TMEM67: variants seen among roughly 807,000 people sequenced by gnomAD.
The protein encoded by TMEM67 is meckelin.
A neutral mutation model predicts 136.6 loss-of-function variants in TMEM67; 124 were observed. The ratio of observed to expected loss-of-function variants is 0.91; its 90% confidence interval spans 0.78 to 1.05. TMEM67 has a LOEUF of 1.05. TMEM67 is among the 50% of genes least tolerant of loss of function. The pLI, the probability that TMEM67 is intolerant of heterozygous loss-of-function variation, is 0.00. For missense variants in TMEM67, 1,107 were observed against 1,178.4 expected, an observed-to-expected ratio of 0.94 and a Z score of 0.89; for synonymous variants, 364 against 390.5, an observed-to-expected ratio of 0.93 and a Z score of 0.80.
intron 20 of TMEM67, 112 bp from the exon 21 acceptor site, chr8:93,799,506 C>T: frequency 1.2e-6 from 1 of 813,704 alleles, no homozygotes; most frequent in Non-Finnish European, 2.0e-6. Flanking sequence ...TTTATACAAA[C>T]TTAGATATTT....
intron 13 of TMEM67, among the ~76,000 whole-genome samples, chr8:93,787,363 C>T (rs1170748793): frequency 1.3e-5 from 2 of 152,156 alleles, no homozygotes; most frequent in Non-Finnish European, 2.9e-5. Flanking sequence ...CCGCCTTGGC[C>T]TCCCAAAGTG....
intron 16 of TMEM67, among the ~76,000 whole-genome samples, chr8:93,794,315 T>C (rs1400674937): frequency 2.0e-5 from 3 of 152,206 alleles, no homozygotes; most frequent in Non-Finnish European, 4.4e-5. Flanking sequence ...CACATTTTAT[T>C]CTATTAACTT....
At position 93,787,915 on chromosome 8, in the gene TMEM67, T is replaced by C; in HGVS notation, c.1484T>C (p.Ile495Thr). Reference protein sequence around the residue: ...PPLITIAYSDIDIKDANSQSV... With the variant: ...PPLITIAYSDTDIKDANSQSV... ...TTAATCACCATTGCCTACAGTGACA[T>C]TGATATCAAAGATGCCAACAGCCAG... Residue 495 changes from isoleucine (I) to threonine (T), a missense_variant, in exon 14 of 28, where the codon ATT (isoleucine) becomes ACT (threonine). Physicochemically the swap from Ile to Thr is moderately conservative, Grantham distance 89. Around this residue, in one of 3 missense-constraint regions of TMEM67, gnomAD observed 925 missense variants for 1,002.4 expected, o/e 0.92. Coordinates refer to ENST00000453321, the MANE Select transcript of TMEM67 (RefSeq NM_153704.6). The C allele has an allele frequency of 6.2e-7, 1 of 1,614,066 alleles. No homozygotes were observed. The highest frequency in any genetic ancestry group is 8.5e-7 in the Non-Finnish European group (1 of 1,179,958).
intron 15 of TMEM67, among the ~76,000 whole-genome samples, chr8:93,792,962 C>T (rs557493887): frequency 2.6e-5 from 4 of 151,542 alleles, no homozygotes; most frequent in African/African-American, 9.7e-5. Context: ...TTAGTAGAGA[C>T]GGGTTTCACC....
chr8:93,780,800 A>T, intron 8 of TMEM67, 53 bp downstream of exon 8: 1 of 1,603,270 alleles, frequency 6.2e-7, no homozygotes, highest in South Asian at 1.1e-5. Context: ...CAGTGCAGTT[A>T]TTAATATATT....
At position 93,799,678 on chromosome 8, in the gene TMEM67, C is replaced by T. The variant is rs116445698; in HGVS notation, c.2161C>T (p.Pro721Ser). ...ATCTTCTAGTCTTTCTAGAAACCCA[C>T]CTAGCTACATAGCTCCTTATAGCTG... The part of the protein sequence containing the change: ...DSSSSLSRNP[P>S]SYIAPYSCIL... The change falls in exon 21 of 28, where the codon CCT becomes TCT. Residue 721 changes from proline (P) to serine (S), a missense_variant. Pro to Ser is a moderately conservative substitution (Grantham distance 74, BLOSUM62 -1). This residue lies in a region of TMEM67 where 925 missense variants were observed against 1,002.4 expected (regional missense o/e 0.92). Coordinates refer to ENST00000453321, the MANE Select transcript of TMEM67 (RefSeq NM_153704.6). 6,940 of 1,613,572 alleles carry T rather than the reference C, an allele frequency of 4.3e-3. 22 individuals carry two copies. The highest frequency in any genetic ancestry group is 5.4e-3 in the Non-Finnish European group (6,394 of 1,179,600).
intron 3 of TMEM67, chr8:93,763,157 T>G (rs1812927117): frequency 4.5e-6 from 1 of 221,570 alleles, no homozygotes; most frequent in African/African-American, 2.3e-5. Flanking sequence ...CTTGAACTCC[T>G]GGCCTCATGT....
chr8:93,816,626 G>A lies in TMEM67; in HGVS notation c.*174G>A. On this transcript the variant is annotated 3_prime_UTR_variant, in exon 28 of 28. Coordinates refer to ENST00000453321, the MANE Select transcript of TMEM67 (RefSeq NM_153704.6). ...TGGGAATATATAACCTGATATAATA[G>A]AAAATACTGTTTTCCCATTGTGTGT... The A allele has an allele frequency of 2.1e-6, 1 of 470,620 alleles. No homozygotes were observed. The highest frequency in any genetic ancestry group is 3.3e-5 in the East Asian group (1 of 30,280). 29.2% of individuals were successfully genotyped at this position (470,620 alleles called of 1,614,324 possible).
chr8:93,786,409 A>T, intron 13 of TMEM67, 63 bp downstream of exon 13: 2 of 1,565,146 alleles, frequency 1.3e-6, no homozygotes, highest in Admixed American at 1.7e-5. Context: ...TTTGCCAGTC[A>T]TTAGTAGATG....
intron 7 of TMEM67, among the ~76,000 whole-genome samples, chr8:93,776,797 A>G (rs1813564797): frequency 6.6e-6 from 1 of 152,198 alleles, no homozygotes; most frequent in South Asian, 2.1e-4. Flanking sequence ...CATCAGGGAT[A>G]TTGGTCTAAA....
chr8:93,814,272 T>C (rs1041193725), intron 26 of TMEM67, among the ~76,000 whole-genome samples: 4 of 150,848 alleles, frequency 2.7e-5, no homozygotes, highest in Non-Finnish European at 5.9e-5. Context: ...CCTGAGTAGC[T>C]GGGACTACAG....
chr8:93,813,738 AG>A (rs1281666528), intron 26 of TMEM67, among the ~76,000 whole-genome samples: 1 of 152,174 alleles, frequency 6.6e-6, no homozygotes, highest in Non-Finnish European at 1.5e-5. Flanking sequence ...CAGGACATCT[AG>A]GAAGAGGTAT....
At chr8:93,781,062 CT>C in intron 9 of TMEM67, 80 bp downstream of exon 9, 2 of 988,298 alleles carry the variant, frequency 2.0e-6, no homozygotes, top group Non-Finnish European at 3.2e-6. Context: ...CAATTCTTGC[CT>C]TTTTAGGTTG....
At chr8:93,826,262 T>G in the TMEM67 span, among the ~76,000 whole-genome samples, 1 of 150,124 alleles carries the variant, frequency 6.7e-6, no homozygotes, top group Admixed American at 6.7e-5. Flanking sequence ...CCCAAGTAGC[T>G]GGGACTACAG....
rs780177429 is a variant in TMEM67 at position 93,765,431 on chromosome 8, G to A, written c.532G>A (p.Val178Ile). 17 of 1,611,758 alleles carry A rather than the reference G, an allele frequency of 1.1e-5. No individual in the cohort carries two copies. The highest frequency in any genetic ancestry group is 1.0e-5 in the Non-Finnish European group (12 of 1,179,790). The change falls in exon 5 of 28, where the codon GTT (valine) becomes ATT (isoleucine). Residue 178 changes from valine (V) to isoleucine (I), a missense_variant. Around this residue, in one of 3 missense-constraint regions of TMEM67, gnomAD observed 925 missense variants for 1,002.4 expected, o/e 0.92. Transcript: ENST00000453321. ...GTGCGTCCGATGTGAGCCAACATTT[G>A]TTAATACCAGCAGGTCCTGTGCATG... is the stretch of plus-strand genomic sequence containing the variant. Reference protein sequence around the residue: ...DRCVRCEPTFVNTSRSCACSE... With the variant: ...DRCVRCEPTFINTSRSCACSE...
chr8:93,797,586 T>C (rs527886892), intron 20 of TMEM67, 116 bp downstream of exon 20: 5 of 1,035,496 alleles, frequency 4.8e-6, no homozygotes, highest in Non-Finnish European at 7.2e-6. Context: ...GGTTGAAATA[T>C]TGTTGTGAAG....
intron 23 of TMEM67, among the ~76,000 whole-genome samples, chr8:93,807,026 A>T (rs1815183219): frequency 6.6e-6 from 1 of 152,156 alleles, no homozygotes; most frequent in Admixed American, 6.5e-5. Context: ...ACCAATAGAC[A>T]CTAATAAAGC....
chr8:93,765,335 A>G (rs926238096), intron 4 of TMEM67, 71 bp from the exon 5 acceptor site: 2 of 1,253,924 alleles, frequency 1.6e-6, no homozygotes, highest in African/African-American at 3.0e-5. Flanking sequence ...ATTGTTTAGA[A>G]AGACAGCTTT....
chr8:93,774,872 C>T (rs1813471859), intron 7 of TMEM67, among the ~76,000 whole-genome samples: 1 of 152,134 alleles, frequency 6.6e-6, no homozygotes, highest in African/African-American at 2.4e-5. Context: ...TGGGTATATA[C>T]CCAGTAATGG....
Sources: allele counts gnomAD v4.1 joint callset (sites outside exome capture counted in the v4.1 genomes callset), GRCh38; gene constraint gnomAD v4.1.1; regional missense constraint gnomAD v4.1.1; transcripts MANE v1.5; gene names NCBI Gene and HGNC (gene_info 2026-07-23, HGNC 2026-07-21).